The following KCNJ6 variants were observed in gnomAD, a reference collection of about 807,000 sequenced individuals.
KCNJ6 encodes G protein-activated inward rectifier potassium channel 2.
Under a neutral mutation model 34.2 loss-of-function variants are expected in KCNJ6, and 9 were observed. The ratio of observed to expected loss-of-function variants is 0.26; its 90% CI spans 0.16 to 0.46. The LOEUF (loss-of-function observed/expected upper bound fraction) is 0.46. Among genes scored for constraint, KCNJ6 ranks in the 20% least tolerant of loss-of-function variants. KCNJ6 has a pLI of 1.00. For synonymous variants in KCNJ6, 196 were observed against 207.1 expected (o/e 0.95, Z 0.46); for missense variants, 236 against 531.3 (o/e 0.44, Z 5.46).
At chr21:37,808,965 G>A (rs144455837) in intron 2 of KCNJ6, among the ~76,000 whole-genome samples, 2,242 of 152,286 alleles carry the variant, frequency 0.015, 56 homozygotes, top group African/African-American at 0.051. Context: ...CCAGTGTGGC[G>A]ATTCCTCAGG....
rs1216634312 is a variant in KCNJ6 at position 37,714,090 on chromosome 21, G to GGGGATGTTGTCAATATT, written c.946+104_946+120dup. 1.4e-6 allele frequency: 1 copy of GGGGATGTTGTCAATATT among 739,144 alleles called. No homozygotes were observed. Among genetic ancestry groups the GGGGATGTTGTCAATATT allele is most frequent in the Non-Finnish European group, 2.3e-6 (1 of 433,128 alleles). The allele number at this position is 739,144 out of a possible 1,614,324, so 45.8% of individuals were successfully genotyped here. On this transcript the variant is annotated intron_variant, in intron 3 of 3. Coordinates refer to ENST00000609713, the MANE Select transcript of KCNJ6 (RefSeq NM_002240.5). This position sits in a 1 kb window ranked among gnomAD's most constrained non-coding sequence, Gnocchi z 5.9. ...GTAGGCATACTATGTCATGAAGCAAGGGGATGTTGTCAATATTGAGTGAGG... is the reference window on the plus strand; with the variant it reads ...GTAGGCATACTATGTCATGAAGCAAGGGGATGTTGTCAATATTGGGATGTTGTCAATATTGAGTGAGG...
chr21:37,666,443 C>A (rs1174954883), intron 3 of KCNJ6, among the ~76,000 whole-genome samples: 1 of 144,020 alleles, frequency 6.9e-6, no homozygotes, highest in East Asian at 2.1e-4. Context: ...GCTGTCTCAG[C>A]AAGTCACCTT....
intron 1 of KCNJ6, among the ~76,000 whole-genome samples, chr21:37,858,774 T>G (rs2123599390): frequency 6.7e-6 from 1 of 149,848 alleles, no homozygotes; most frequent in Middle Eastern, 3.4e-3. Flanking sequence ...TCTCCATGGG[T>G]TTTTTTTGAA....
chr21:37,664,550 T>C (rs746128916), intron 3 of KCNJ6, among the ~76,000 whole-genome samples: 35 of 152,048 alleles, frequency 2.3e-4, no homozygotes, highest in African/African-American at 2.2e-4. Context: ...CATGAATTCA[T>C]ACCAGCAAAT....
At position 37,622,263 on chromosome 21, in the gene KCNJ6, A is replaced by C. The variant is rs2054292166; in HGVS notation, c.*2896T>G. Reference sequence around the variant, plus strand: ...TGTTGTATTAAAAGAGACTTTTAAAAAATTCTCATTGCACTTGGTTTGCTA... The same window carrying C: ...TGTTGTATTAAAAGAGACTTTTAAACAATTCTCATTGCACTTGGTTTGCTA... On this transcript the variant is annotated 3_prime_UTR_variant, in exon 4 of 4. Transcript: ENST00000609713. 1 of 152,208 alleles carries C rather than the reference A, an allele frequency of 6.6e-6. No individual in the cohort carries two copies. The highest frequency in any genetic ancestry group is 2.1e-4 in the South Asian group (1 of 4,828). 9.4% of individuals were successfully genotyped at this position (152,208 alleles called of 1,614,324 possible).
intron 2 of KCNJ6, among the ~76,000 whole-genome samples, chr21:37,758,677 G>T (rs532634109): frequency 3.6e-4 from 55 of 152,200 alleles, no homozygotes; most frequent in African/African-American, 1.3e-3. Context: ...TGGCTATGTT[G>T]CCCAGGCTGC....
chr21:37,665,391 A>G (rs142151530), intron 3 of KCNJ6, among the ~76,000 whole-genome samples: 4 of 152,364 alleles, frequency 2.6e-5, no homozygotes, highest in African/African-American at 9.6e-5. Flanking sequence ...GGAATGAGGT[A>G]GTCATTGTTC....
chr21:37,793,971 C>T (rs941555955), intron 2 of KCNJ6, among the ~76,000 whole-genome samples: 1 of 152,152 alleles, frequency 6.6e-6, no homozygotes, highest in Non-Finnish European at 1.5e-5. Context: ...TAGTTTAGTG[C>T]ATTACTTTTC....
intron 2 of KCNJ6, among the ~76,000 whole-genome samples, chr21:37,783,651 G>T (rs1787337): frequency 6.6e-6 from 1 of 151,988 alleles, no homozygotes; most frequent in Non-Finnish European, 1.5e-5. Context: ...GTAATCTCTT[G>T]TTAGAGGGTA....
intron 2 of KCNJ6, among the ~76,000 whole-genome samples, chr21:37,727,916 A>G (rs1367990239): frequency 6.7e-6 from 1 of 148,936 alleles, no homozygotes; most frequent in Non-Finnish European, 1.5e-5. Flanking sequence ...ACAACAACAA[A>G]CTGAACTCAG....
chr21:37,758,951 C>T (rs180724070), intron 2 of KCNJ6, among the ~76,000 whole-genome samples: 3 of 152,246 alleles, frequency 2.0e-5, no homozygotes, highest in East Asian at 1.9e-4. Context: ...ATTTTACAGG[C>T]GAGGAAACTG....
rs563809104 is a variant in KCNJ6, at chr21:37,767,065, A to T, written c.26-51934T>A. Among the ~76,000 whole-genome samples, 105 of 152,244 alleles carry T rather than the reference A, an allele frequency of 6.9e-4. 1 individual carries two copies. Among genetic ancestry groups the T allele is most frequent in the South Asian group, 1.7e-3 (8 of 4,820 alleles). ...TGGGGACTGCTGATCTAGACTAATG[A>T]GATGCAACTCTTAAGAAGCCCACTT... On this transcript the variant is annotated intron_variant, in intron 2 of 3. Coordinates refer to ENST00000609713, the MANE Select transcript of KCNJ6 (RefSeq NM_002240.5).
intron 2 of KCNJ6, among the ~76,000 whole-genome samples, chr21:37,771,787 G>A (rs2055118883): frequency 6.6e-6 from 1 of 152,212 alleles, no homozygotes; most frequent in African/African-American, 2.4e-5. Context: ...ACTTCCCAAA[G>A]TATGCTTTTT....
In KCNJ6 at chr21:37,867,632, C is replaced by T. The variant is rs534092188; in HGVS notation, c.-27-26923G>A. ...GAAATGGGCCAAACGGTAATAAAAG[C>T]GACAATAATAGATTGTGTAGCAGAC... On this transcript the variant is annotated intron_variant, in intron 1 of 3. Transcript: ENST00000609713. Among the ~76,000 whole-genome samples the T allele has an allele frequency of 3.3e-5, 5 of 152,170 alleles. No homozygotes were observed. The South Asian group carries it at 6.2e-4, about 19-fold the overall frequency.
At chr21:37,664,765 T>C (rs2054505870) in intron 3 of KCNJ6, among the ~76,000 whole-genome samples, 1 of 151,096 alleles carries the variant, frequency 6.6e-6, no homozygotes, top group South Asian at 2.1e-4. Context: ...TCCAACGTTA[T>C]GGAGATTGGA....
At chr21:37,882,596 G>C (rs1194166977) in intron 1 of KCNJ6, among the ~76,000 whole-genome samples, 1 of 152,110 alleles carries the variant, frequency 6.6e-6, no homozygotes, top group African/African-American at 2.4e-5. Context: ...CTTCACTTTG[G>C]CCAAATTCCT....
intron 1 of KCNJ6, among the ~76,000 whole-genome samples, chr21:37,843,747 A>G (rs1344946455): frequency 6.6e-6 from 1 of 152,160 alleles, no homozygotes; most frequent in Admixed American, 6.5e-5. Flanking sequence ...CCCAGGGAAG[A>G]GTGTGATGTG....
intron 1 of KCNJ6, among the ~76,000 whole-genome samples, chr21:37,860,715 CTG>C (rs2055590663): frequency 6.6e-6 from 1 of 152,132 alleles, no homozygotes; most frequent in Non-Finnish European, 1.5e-5. Context: ...CACTACCCCC[CTG>C]GAGTGGCTCT....
intron 2 of KCNJ6, 105 bp downstream of exon 2, chr21:37,840,553 A>G (rs934282514): frequency 5.3e-6 from 4 of 754,184 alleles, no homozygotes; most frequent in Admixed American, 4.4e-5. Context: ...CCGTAAGAGC[A>G]AAAGAGAAGG....
Sources: gnomAD v4.1 joint callset for allele counts (sites outside exome capture counted in the v4.1 genomes callset) on GRCh38, gnomAD v4.1.1 for gene constraint, Gnocchi (gnomAD v3.1) non-coding constraint, MANE v1.5 for transcripts, NCBI Gene and HGNC (gene_info 2026-07-23, HGNC 2026-07-21) for gene names.